Variants in PRKN observed in about 807,000 individuals in gnomAD.
The protein encoded by PRKN is E3 ubiquitin-protein ligase parkin.
Under a neutral mutation model 59.5 loss-of-function variants are expected in PRKN, and 56 were observed. The ratio of observed to expected loss-of-function variants is 0.94; its 90% CI spans 0.76 to 1.18. The LOEUF (loss-of-function observed/expected upper bound fraction) is 1.18, where lower values mean the gene tolerates loss of function less well. Among genes scored for constraint, PRKN ranks in the 50% most tolerant of loss-of-function variants. The pLI is 0.00. For missense variants in PRKN, 657 were observed against 596.4 expected (o/e 1.10, Z -1.06); for synonymous variants, 250 against 222.1 (o/e 1.13, Z -1.12).
At chr6:162,156,561 T>C (rs2849607) in intron 4 of PRKN, among the ~76,000 whole-genome samples, 151,148 of 152,282 alleles carry the variant, frequency 0.99, 75,058 homozygotes, top group Middle Eastern at 1. Flanking sequence ...GGGAGAAAGA[T>C]GGAGGCCGGA....
At chr6:161,767,698 G>A (rs2128201011) in intron 7 of PRKN, among the ~76,000 whole-genome samples, 1 of 140,952 alleles carries the variant, frequency 7.1e-6, no homozygotes, top group Non-Finnish European at 1.5e-5. Flanking sequence ...GGCTGTTTAG[G>A]TATTTGTAAC....
At position 161,661,255 on chromosome 6, in the gene PRKN, TGAA is replaced by T. The variant is rs543729192; in HGVS notation, c.872-91842_872-91840del. Among the ~76,000 whole-genome samples, 29 of 152,284 alleles carry T rather than the reference TGAA, an allele frequency of 1.9e-4. No individual in the cohort carries two copies. The East Asian group carries it at 4.4e-3, about 23-fold the overall frequency. On this transcript the variant is annotated intron_variant, in intron 7 of 11. Transcript: ENST00000366898. ...CCTCACGGAGTCTGACAGGGCCCTCTGAACACAGGGCCCTGCTACTTCTCTGCA... is the reference window on the plus strand; with the variant it reads ...CCTCACGGAGTCTGACAGGGCCCTCTCACAGGGCCCTGCTACTTCTCTGCA...
intron 6 of PRKN, among the ~76,000 whole-genome samples, chr6:161,961,263 G>C (rs1780365944): frequency 6.6e-6 from 1 of 152,158 alleles, no homozygotes. Flanking sequence ...AGGTGTTCAA[G>C]TTTGACTTTG....
At chr6:162,457,846 C>T (rs35792237) in intron 1 of PRKN, among the ~76,000 whole-genome samples, 34,337 of 151,982 alleles carry the variant, frequency 0.23, 4,144 homozygotes, top group Non-Finnish European at 0.26. Context: ...TGTGGCCGGG[C>T]GTGGTGGCTC....
At chr6:162,292,748 CT>C (rs1469471448) in intron 2 of PRKN, among the ~76,000 whole-genome samples, 2 of 152,270 alleles carry the variant, frequency 1.3e-5, no homozygotes, top group Non-Finnish European at 2.9e-5. Context: ...AGGATCAGTT[CT>C]TTCGGTAGTG....
chr6:161,733,781 AAAATATATAT>A (rs1562641617), intron 7 of PRKN, among the ~76,000 whole-genome samples: 2 of 74,050 alleles, frequency 2.7e-5, no homozygotes, highest in African/African-American at 2.6e-4. Context: ...AAAAAAAAAA[AAAATATATAT>A]ATATATGTAT....
At chr6:162,130,395 C>T (rs1194652930) in intron 4 of PRKN, among the ~76,000 whole-genome samples, 4 of 152,134 alleles carry the variant, frequency 2.6e-5, no homozygotes, top group Non-Finnish European at 5.9e-5. Flanking sequence ...TGTATACACA[C>T]ACACACACAC....
At chr6:161,626,064 T>C (rs1783072031) in intron 7 of PRKN, among the ~76,000 whole-genome samples, 1 of 152,238 alleles carries the variant, frequency 6.6e-6, no homozygotes, top group African/African-American at 2.4e-5. Flanking sequence ...AACTGGGCCG[T>C]AGACAGGCTA....
At chr6:161,555,799 T>C (rs947159490) in intron 8 of PRKN, among the ~76,000 whole-genome samples, 13 of 152,178 alleles carry the variant, frequency 8.5e-5, no homozygotes, top group Admixed American at 7.2e-4. Context: ...CAATAGTTTG[T>C]GGACAGTAAA....
intron 10 of PRKN, among the ~76,000 whole-genome samples, chr6:161,381,906 A>T (rs1456318528): frequency 6.6e-6 from 1 of 151,916 alleles, no homozygotes; most frequent in Non-Finnish European, 1.5e-5. Context: ...AGGTCAGGAG[A>T]TTGAGACCAT....
rs981137969 is a variant in PRKN, at chr6:161,470,284, G to T, written c.1083+78570C>A. ...ACCTTTGCTGTCATAGGCCCATTAG[G>T]GTATTATTTAATGTAGTCACTCATC... is the stretch of plus-strand genomic sequence containing the variant. On this transcript the variant is annotated intron_variant, in intron 9 of 11. Coordinates refer to ENST00000366898, the MANE Select transcript of PRKN (RefSeq NM_004562.3). The surrounding 1 kb of genome is among the most constrained non-coding windows in gnomAD (Gnocchi z 5.1). Among the ~76,000 whole-genome samples, 2 of 152,054 alleles carry T rather than the reference G, an allele frequency of 1.3e-5. No individual in the cohort carries two copies. The highest frequency in any genetic ancestry group is 2.9e-5 in the Non-Finnish European group (2 of 68,018).
rs776305448 is a variant in PRKN, at chr6:162,557,805, C to T, written c.8-114332G>A. On this transcript the variant is annotated intron_variant, in intron 1 of 11. Coordinates refer to ENST00000366898, the MANE Select transcript of PRKN (RefSeq NM_004562.3). ...GATTACAGGCGTGAGCCACTATGCT[C>T]GGCGGATGGTGCTGTTAACAACAGT... 9.4e-4 allele frequency among the ~76,000 whole-genome samples: 143 copies of T among 152,242 alleles called. 1 individual carries two copies. The highest frequency in any genetic ancestry group is 1.7e-3 in the Non-Finnish European group (115 of 68,014).
chr6:161,848,684 T>G (rs1271762384), intron 6 of PRKN, among the ~76,000 whole-genome samples: 1 of 151,480 alleles, frequency 6.6e-6, no homozygotes, highest in Non-Finnish European at 1.5e-5. Context: ...AGCCAAGAGG[T>G]TTTCAAAGCA....
intron 6 of PRKN, among the ~76,000 whole-genome samples, chr6:161,894,644 T>C (rs1378462118): frequency 6.6e-6 from 1 of 152,226 alleles, no homozygotes; most frequent in Non-Finnish European, 1.5e-5. Context: ...ATCTTTGAAA[T>C]TCTTCCCGTG....
intron 6 of PRKN, among the ~76,000 whole-genome samples, chr6:161,861,581 TTAAAAG>T (rs1483798227): frequency 6.8e-6 from 1 of 147,624 alleles, no homozygotes; most frequent in Non-Finnish European, 1.5e-5. Flanking sequence ...ATCCCAGAAC[TTAAAAG>T]TAAAATTTTT....
At chr6:162,603,648 A>G (rs921858266) in intron 1 of PRKN, among the ~76,000 whole-genome samples, 3 of 152,236 alleles carry the variant, frequency 2.0e-5, no homozygotes, top group African/African-American at 4.8e-5. Flanking sequence ...TGAAACGAAT[A>G]ACAATGATCA....
intron 6 of PRKN, among the ~76,000 whole-genome samples, chr6:161,858,264 T>C (rs1793736773): frequency 1.3e-5 from 2 of 152,188 alleles, no homozygotes; most frequent in African/African-American, 4.8e-5. Context: ...TGAGACATGA[T>C]ATGTGAAGCA....
At chr6:162,356,482 C>T (rs1784860039) in intron 2 of PRKN, among the ~76,000 whole-genome samples, 1 of 151,800 alleles carries the variant, frequency 6.6e-6, no homozygotes, top group Non-Finnish European at 1.5e-5. Context: ...CACATGGGCC[C>T]CAGACTACCA....
chr6:162,204,717 T>TG (rs1784862001), intron 3 of PRKN, among the ~76,000 whole-genome samples: 1 of 151,534 alleles, frequency 6.6e-6, no homozygotes, highest in African/African-American at 2.4e-5. Context: ...AAGTTTTGTT[T>TG]TTTTTTTTTC....
Sources: gnomAD v4.1 joint callset for allele counts (sites outside exome capture counted in the v4.1 genomes callset) on GRCh38, gnomAD v4.1.1 for gene constraint, Gnocchi (gnomAD v3.1) non-coding constraint, MANE v1.5 for transcripts, NCBI Gene and HGNC (gene_info 2026-07-23, HGNC 2026-07-21) for gene names.